Variants in MYCBP2 observed in about 807,000 individuals in gnomAD.
The protein encoded by MYCBP2 is E3 ubiquitin-protein ligase MYCBP2.
A neutral mutation model predicts 525.3 loss-of-function variants in MYCBP2; 120 were observed. The observed-to-expected ratio is 0.23, with a 90% CI of 0.20 to 0.27. The LOEUF (loss-of-function observed/expected upper bound fraction) is 0.27, where lower values mean the gene tolerates loss of function less well. Among genes scored for constraint, MYCBP2 ranks in the 10% least tolerant of loss-of-function variants. The pLI is 1.00. For synonymous variants in MYCBP2, 1,894 were observed against 1,955.8 expected (o/e 0.97, Z 0.83); for missense variants, 4,149 against 5,657.1 (o/e 0.73, Z 8.55).
chr13:77,280,970 C>G (rs1254409694), intron 3 of MYCBP2, among the ~76,000 whole-genome samples: 9 of 152,174 alleles, frequency 5.9e-5, no homozygotes, highest in Admixed American at 5.9e-4. Flanking sequence ...AGTTCTGCAA[C>G]TATTAAAGAA....
rs925407956 is a variant in MYCBP2, at chr13:77,157,959, A to T, written c.6748T>A (p.Ser2250Thr). The T allele has an allele frequency of 1.6e-5, 25 of 1,612,684 alleles. No individual in the cohort carries two copies. In the African/African-American group the frequency reaches 3.2e-4, roughly 21 times the overall value. The part of the protein sequence containing the change: ...LDDFIACVPG[S>T]SGGRLARWLQ... ...TACCTTGCAAGCCTTCCACCACTTG[A>T]TCCTGGGACACAGGCAATAAAATCA... The change falls in exon 45 of 83, where the codon TCA becomes ACA. Residue 2250 changes from serine to threonine, a missense_variant. Coordinates refer to ENST00000544440, the MANE Select transcript of MYCBP2 (RefSeq NM_015057.5).
Position 77,115,351 on chromosome 13 carries a change from T to A in MYCBP2, c.8140+6022A>T, listed in dbSNP as rs150035176. 2.8e-3 allele frequency among the ~76,000 whole-genome samples: 433 copies of A among 152,014 alleles called. 5 individuals are homozygous for A. Among genetic ancestry groups the A allele is most frequent in the African/African-American group, 9.7e-3 (402 of 41,564 alleles). ...CAAATTGCTTACCAATTCTAAAAACTATATAATTAGTTTTTAAATTAAAAA... is the reference window on the plus strand; with the variant it reads ...CAAATTGCTTACCAATTCTAAAAACAATATAATTAGTTTTTAAATTAAAAA... On this transcript the variant is annotated intron_variant, in intron 55 of 82. Coordinates refer to ENST00000544440, the MANE Select transcript of MYCBP2 (RefSeq NM_015057.5).
chr13:77,253,048 G>T (rs1474813454), intron 14 of MYCBP2, among the ~76,000 whole-genome samples: 5 of 151,850 alleles, frequency 3.3e-5, no homozygotes, highest in Non-Finnish European at 7.4e-5. Flanking sequence ...AAAGAAAAAG[G>T]TTGAAAATTT....
chr13:77,292,874 T>C (rs768405459), intron 2 of MYCBP2, among the ~76,000 whole-genome samples: 3 of 149,656 alleles, frequency 2.0e-5, no homozygotes, highest in Non-Finnish European at 4.4e-5. Flanking sequence ...AGGGAATTGC[T>C]TGAACCCAGG....
chr13:77,299,398 C>G (rs9318473), intron 1 of MYCBP2, among the ~76,000 whole-genome samples: 87,148 of 152,046 alleles, frequency 0.57, 28,343 homozygotes, highest in Non-Finnish European at 0.73. Context: ...CATCCAAGAA[C>G]TAGCTATTCC....
chr13:77,150,487 CATCTGT>C (rs1347939159), intron 47 of MYCBP2, among the ~76,000 whole-genome samples: 1 of 152,086 alleles, frequency 6.6e-6, no homozygotes, highest in African/African-American at 2.4e-5. Flanking sequence ...CAGCCTAATC[CATCTGT>C]ATCTCTGATT....
intron 52 of MYCBP2, among the ~76,000 whole-genome samples, chr13:77,136,063 C>T (rs1049773635): frequency 2.0e-5 from 3 of 152,156 alleles, no homozygotes; most frequent in Admixed American, 6.5e-5. Flanking sequence ...TTGTGATCCA[C>T]CCGTCTTGGC....
intron 23 of MYCBP2, among the ~76,000 whole-genome samples, chr13:77,207,493 A>G (rs1221298057): frequency 6.6e-6 from 1 of 152,170 alleles, no homozygotes; most frequent in Non-Finnish European, 1.5e-5. Flanking sequence ...ATAGAGTCTC[A>G]GTTTTCCAAG....
In MYCBP2 at chr13:77,097,970, A is replaced by T; in HGVS notation, c.9184T>A (p.Ser3062Thr). ...SSFLKFHPEL[S>T]KEHAPIRSSL... ...CTCCTTATAGGAGCATGTTCTTTGG[A>T]AAGTTCAGGATGAAACTTTAGGAAA... The change falls in exon 56 of 83, where the codon TCC becomes ACC. Residue 3062 changes from serine (S) to threonine (T), a missense_variant. This residue lies in a region of MYCBP2 where 653 missense variants were observed against 744.7 expected (regional missense o/e 0.88). Transcript: ENST00000544440. The T allele has an allele frequency of 6.2e-7, 1 of 1,613,516 alleles. No individual in the cohort carries two copies. The highest frequency in any genetic ancestry group is 1.1e-5 in the South Asian group (1 of 91,052).
Position 77,168,557 on chromosome 13 carries a change from A to G in MYCBP2, c.5985T>C (p.Pro1995=). ...CTGTGGTGCTATCTGTCGACTGATT[A>G]GGGTTGAAGGCAGGCGGTGCATACT... ...NQKYAPPAFN[P]NQSTDSTTGN... Residue 1995 remains proline (P), a synonymous_variant, in exon 40 of 83, where the codon CCT becomes CCC. Transcript: ENST00000544440. 2 of 1,614,154 alleles carry G rather than the reference A, an allele frequency of 1.2e-6. No homozygotes were observed. Among genetic ancestry groups the G allele is most frequent in the Non-Finnish European group, 8.5e-7 (1 of 1,180,026 alleles).
intron 20 of MYCBP2, among the ~76,000 whole-genome samples, chr13:77,221,818 G>C (rs181804737): frequency 6.6e-6 from 1 of 152,122 alleles, no homozygotes; most frequent in Non-Finnish European, 1.5e-5. Flanking sequence ...CAGCATCCAT[G>C]GGGAATTGGT....
chr13:77,263,022 A>G (rs2154339166), intron 10 of MYCBP2, among the ~76,000 whole-genome samples: 1 of 152,132 alleles, frequency 6.6e-6, no homozygotes, highest in East Asian at 1.9e-4. Context: ...CTGGAGTGGC[A>G]TGGCAAGCCA....
At chr13:77,114,731 TCTA>T (rs2049423196) in intron 55 of MYCBP2, among the ~76,000 whole-genome samples, 1 of 152,034 alleles carries the variant, frequency 6.6e-6, no homozygotes, top group Non-Finnish European at 1.5e-5. Context: ...CTGGAAGATG[TCTA>T]CTATGTACCC....
At chr13:77,248,705 A>C (rs2070538151) in intron 15 of MYCBP2, among the ~76,000 whole-genome samples, 1 of 152,196 alleles carries the variant, frequency 6.6e-6, no homozygotes, top group Admixed American at 6.5e-5. Context: ...ATAGTATGGC[A>C]GTTCCTCAAA....
In MYCBP2 at chr13:77,077,281, A is replaced by G; in HGVS notation, c.11591T>C (p.Val3864Ala). ...ELKGPENTLR[V>A]RQVKVLGWKD... ...CCAGCCCAGGACTTTGACTTGTCGA[A>G]CTCTCAGTGTATTTTCTGGGCCTTT... Residue 3864 changes from valine to alanine, a missense_variant, in exon 67 of 83, where the codon GTT becomes GCT. This residue lies in a region of MYCBP2 where 509 missense variants were observed against 789.4 expected (regional missense o/e 0.64). Transcript: ENST00000544440. The G allele has an allele frequency of 6.2e-7, 1 of 1,613,732 alleles. No individual in the cohort carries two copies. The highest frequency in any genetic ancestry group is 8.5e-7 in the Non-Finnish European group (1 of 1,179,910).
In MYCBP2 at chr13:77,251,689, G is replaced by A. The variant is rs539985293; in HGVS notation, c.2177-334C>T. Among the ~76,000 whole-genome samples, 28 of 152,082 alleles carry A rather than the reference G, an allele frequency of 1.8e-4. 1 individual carries two copies. In the South Asian group the frequency reaches 5.8e-3, roughly 32 times the overall value. On this transcript the variant is annotated intron_variant, in intron 14 of 82. Coordinates refer to ENST00000544440, the MANE Select transcript of MYCBP2 (RefSeq NM_015057.5). ...AGACCAAAGAAAGCCTCCCAACCAT[G>A]CTCCAAGCCAAGAGTTCCCCACTCT...
intron 1 of MYCBP2, among the ~76,000 whole-genome samples, chr13:77,318,299 G>T (rs2081201905): frequency 6.6e-6 from 1 of 152,136 alleles, no homozygotes; most frequent in Non-Finnish European, 1.5e-5. Flanking sequence ...GCCATCATCG[G>T]TAATTTTTCC....
intron 54 of MYCBP2, among the ~76,000 whole-genome samples, chr13:77,124,929 T>C (rs982724754): frequency 3.9e-5 from 6 of 152,210 alleles, no homozygotes; most frequent in Non-Finnish European, 5.9e-5. Context: ...TCAATGCTCT[T>C]TCCCTAAGAC....
At chr13:77,201,911 T>C (rs2062633828) in intron 26 of MYCBP2, among the ~76,000 whole-genome samples, 1 of 152,102 alleles carries the variant, frequency 6.6e-6, no homozygotes, top group Admixed American at 6.5e-5. Flanking sequence ...GAGGGAAATT[T>C]ATAGCACTAA....
Sources: allele counts gnomAD v4.1 joint callset (sites outside exome capture counted in the v4.1 genomes callset), GRCh38; gene constraint gnomAD v4.1.1; regional missense constraint gnomAD v4.1.1; transcripts MANE v1.5; gene names NCBI Gene and HGNC (gene_info 2026-07-23, HGNC 2026-07-21).